The following SMPD4 variants were observed in gnomAD, a reference collection of about 807,000 sequenced individuals.
The protein encoded by SMPD4 is sphingomyelin phosphodiesterase 4, also known as neutral sphingomyelinase 3.
In SMPD4, 58 loss-of-function variants were observed where a neutral mutation model predicts 97.8. The observed-to-expected ratio is 0.59, with a 90% CI of 0.48 to 0.74. The LOEUF is 0.74. Ranked by LOEUF, SMPD4 falls within the 30% of genes least tolerant of loss-of-function variation. The pLI, the probability that SMPD4 is intolerant of heterozygous loss-of-function variation, is 0.00. For synonymous variants in SMPD4, 388 were observed against 450.0 expected (o/e 0.86, Z 1.74); for missense variants, 853 against 1,080.5 (o/e 0.79, Z 2.95).
chr2:130,155,112 A>G lies in SMPD4; in HGVS notation c.1437T>C (p.Ala479=), dbSNP rs1448832698. The change falls in exon 15 of 20, where the codon GCT becomes GCC. Residue 479 remains alanine, a synonymous_variant. Coordinates refer to ENST00000680298, the MANE Select transcript of SMPD4 (RefSeq NM_017951.5). ...AGGACTTACCTTTCTGAATCATCTCAGCCAGGTTGGGCTGGGCAAAGACTT... is the reference window on the plus strand; with the variant it reads ...AGGACTTACCTTTCTGAATCATCTCGGCCAGGTTGGGCTGGGCAAAGACTT... ...VAKVFAQPNL[A]EMIQKGEQLF... 3.1e-6 allele frequency: 5 copies of G among 1,614,146 alleles called. No individual in the cohort carries two copies. Among genetic ancestry groups the G allele is most frequent in the Non-Finnish European group, 4.2e-6 (5 of 1,180,008 alleles).
intron 19 of SMPD4, 27 bp downstream of exon 19, chr2:130,153,016 G>T (rs372272450): frequency 1.2e-6 from 2 of 1,601,126 alleles, no homozygotes; most frequent in South Asian, 1.1e-5. Context: ...CTCTGAAGAC[G>T]CCAGGCCAGC....
At chr2:130,156,488 G>A (rs2104813490) in intron 13 of SMPD4, 97 bp downstream of exon 13, 2 of 1,230,802 alleles carry the variant, frequency 1.6e-6, no homozygotes, top group East Asian at 2.6e-5. Context: ...AGGCCTCTGT[G>A]ATAACACTTG....
At position 130,155,156 on chromosome 2, in the gene SMPD4, T is replaced by G. The variant is rs2104806838; in HGVS notation, c.1393A>C (p.Met465Leu). Residue 465 changes from methionine (M) to leucine (L), a missense_variant, in exon 15 of 20, where the codon ATG becomes CTG. Around this residue, in one of 3 missense-constraint regions of SMPD4, gnomAD observed 511 missense variants for 608.1 expected, o/e 0.84. Transcript: ENST00000680298. ...AAGACTTTGGCCACTCGGAACACCATGAGCGCGTGCTTGGGGCTGACCAGG... is the reference window on the plus strand; with the variant it reads ...AAGACTTTGGCCACTCGGAACACCAGGAGCGCGTGCTTGGGGCTGACCAGG... The part of the protein sequence containing the change: ...TDLVSPKHAL[M>L]VFRVAKVFAQ... The G allele has an allele frequency of 2.5e-6, 4 of 1,614,150 alleles. No individual in the cohort carries two copies. Among genetic ancestry groups the G allele is most frequent in the Middle Eastern group, 1.6e-4 (1 of 6,062 alleles).
chr2:130,154,379 T>C lies in SMPD4; in HGVS notation c.1557A>G (p.Pro519=). Residue 519 remains proline, a synonymous_variant, in exon 16 of 20, where the codon CCA becomes CCG. Coordinates refer to ENST00000680298, the MANE Select transcript of SMPD4 (RefSeq NM_017951.5). ...CCTTGAAGGAGGCATCAGTGACCGC[T>C]GGTGGCCAGGGTGACAGGAAGCTCC... ...FTGSFLSPWP[P]AVTDASFKVK... is the part of the protein sequence containing the mutation. The C allele has an allele frequency of 6.2e-7, 1 of 1,610,436 alleles. No homozygotes were observed. The highest frequency in any genetic ancestry group is 8.5e-7 in the Non-Finnish European group (1 of 1,178,518).
Position 130,172,358 on chromosome 2 carries a change from G to A in SMPD4, c.650C>T (p.Pro217Leu), listed in dbSNP as rs144353633. ...CAAAGGGCAGCCTTACCTGGGAGGT[G>A]GTGAGGGGCTGGTCCCCCCTGGGCT... ...SSSPGGTSPS[P>L]PPRTPAIPFA... is the part of the protein sequence containing the mutation. The change falls in exon 8 of 20, where the codon CCA becomes CTA. Residue 217 changes from proline (P) to leucine (L), a missense_variant. Pro to Leu is a moderately conservative substitution (Grantham distance 98). Coordinates refer to ENST00000680298, the MANE Select transcript of SMPD4 (RefSeq NM_017951.5). The A allele has an allele frequency of 2.3e-3, 3,690 of 1,593,064 alleles. 8 individuals carry two copies. The highest frequency in any genetic ancestry group is 3.0e-3 in the Non-Finnish European group (3,528 of 1,169,044).
intron 1 of SMPD4, among the ~76,000 whole-genome samples, chr2:130,179,343 G>A (rs1377782325): frequency 7.2e-5 from 11 of 151,778 alleles, no homozygotes; most frequent in Non-Finnish European, 1.3e-4. Context: ...GGATGGTCTC[G>A]ATCTCCTGAC....
At chr2:130,160,215 C>T (rs1231229944) in intron 11 of SMPD4, among the ~76,000 whole-genome samples, 1 of 152,234 alleles carries the variant, frequency 6.6e-6, no homozygotes, top group African/African-American at 2.4e-5. Flanking sequence ...GTCCTCCCTC[C>T]CTGGCGCAAG....
chr2:130,152,788 G>A lies in SMPD4; in HGVS notation c.2251C>T (p.Leu751=). The change falls in exon 20 of 20, where the codon CTG becomes TTG. Residue 751 remains leucine (L), a synonymous_variant. Coordinates refer to ENST00000680298, the MANE Select transcript of SMPD4 (RefSeq NM_017951.5). ...LTEPGLASRH[L]LSPVGRRQVA... is the part of the protein sequence containing the mutation. ...TGCCTCCGCCCCACAGGGCTCAGCAGGTGCCTGCTGGCCAGCCCAGGTTCT... is the reference window on the plus strand; with the variant it reads ...TGCCTCCGCCCCACAGGGCTCAGCAAGTGCCTGCTGGCCAGCCCAGGTTCT... The A allele has an allele frequency of 4.3e-6, 7 of 1,609,826 alleles. No homozygotes were observed. The South Asian group carries it at 4.4e-5, about 10-fold the overall frequency.
Position 130,153,158 on chromosome 2 carries a change from A to G in SMPD4, c.2039T>C (p.Leu680Pro). The G allele has an allele frequency of 1.9e-6, 3 of 1,613,794 alleles. No homozygotes were observed. Among genetic ancestry groups the G allele is most frequent in the Non-Finnish European group, 1.7e-6 (2 of 1,179,992 alleles). The change falls in exon 19 of 20, where the codon CTG becomes CCG. Residue 680 changes from leucine to proline, a missense_variant. By Grantham distance (98) the Leu-to-Pro change is moderately conservative. Around this residue, in one of 3 missense-constraint regions of SMPD4, gnomAD observed 511 missense variants for 608.1 expected, o/e 0.84. Coordinates refer to ENST00000680298, the MANE Select transcript of SMPD4 (RefSeq NM_017951.5). ...CTGGTACTCAATTTCAAACCTTCGCAGCCCATTGATGATCTAGAAAGCCAG... is the reference window on the plus strand; with the variant it reads ...CTGGTACTCAATTTCAAACCTTCGCGGCCCATTGATGATCTAGAAAGCCAG... Reference protein sequence around the residue: ...PLGRYQIINGLRRFEIEYQGD... With the variant: ...PLGRYQIINGPRRFEIEYQGD...
intron 1 of SMPD4, among the ~76,000 whole-genome samples, chr2:130,177,586 A>C (rs1233575022): frequency 7.3e-5 from 11 of 151,616 alleles, no homozygotes; most frequent in Non-Finnish European, 1.5e-4. Flanking sequence ...AATCCCAGCT[A>C]CTCAGGAGGC....
At chr2:130,163,166 G>C (rs1485754645) in intron 10 of SMPD4, among the ~76,000 whole-genome samples, 1 of 152,260 alleles carries the variant, frequency 6.6e-6, no homozygotes, top group Non-Finnish European at 1.5e-5. Context: ...CCACATGCAC[G>C]AGTGCTGAGT....
In SMPD4 at chr2:130,153,770, G is replaced by A. The variant is rs1686473524; in HGVS notation, c.1825C>T (p.Gln609Ter). The A allele has an allele frequency of 6.2e-7, 1 of 1,613,974 alleles. No homozygotes were observed. The highest frequency in any genetic ancestry group is 8.5e-7 in the Non-Finnish European group (1 of 1,179,870). The change falls in exon 17 of 20, where the codon CAA (glutamine) becomes TAA (stop). Residue 609 changes from glutamine (Q) to a stop codon, truncating the protein, a stop_gained. Transcript: ENST00000680298. LOFTEE classifies it high-confidence loss of function. ...TCATCTGTCTTCCGGACACTGTCTTGCCCCATCTCGTCCAGGTCGTTGGCT... is the reference window on the plus strand; with the variant it reads ...TCATCTGTCTTCCGGACACTGTCTTACCCCATCTCGTCCAGGTCGTTGGCT... Reference protein sequence around the residue: ...YTANDLDEMGQDSVRKTDEYL... With the variant: ...YTANDLDEMG
At chr2:130,154,873 C>T (rs1161854422) in intron 15 of SMPD4, 2 of 662,670 alleles carry the variant, frequency 3.0e-6, no homozygotes, top group Non-Finnish European at 5.1e-6. Context: ...GTGGGCACAC[C>T]TGCGATCCCC....
intron 9 of SMPD4, among the ~76,000 whole-genome samples, chr2:130,165,361 G>A (rs1295817504): frequency 1.3e-5 from 2 of 151,884 alleles, no homozygotes; most frequent in African/African-American, 4.8e-5. Context: ...AACAGGCAGA[G>A]GTTGTGGTAA....
intron 11 of SMPD4, among the ~76,000 whole-genome samples, chr2:130,160,799 CTAA>C: frequency 6.6e-6 from 1 of 152,236 alleles, no homozygotes; most frequent in Admixed American, 6.5e-5. Flanking sequence ...CAGCTCCTTC[CTAA>C]GCGCCAGACC....
At position 130,169,975 on chromosome 2, in the gene SMPD4, T is replaced by C. The variant is rs555494132; in HGVS notation, c.659+2374A>G. 2.0e-4 allele frequency among the ~76,000 whole-genome samples: 30 copies of C among 151,964 alleles called. No homozygotes were observed. The East Asian group carries it at 5.8e-3, about 30-fold the overall frequency. ...TACTTGGGAAGCTGAGGCGGGAAGA[T>C]TGCTGAGGCCAGGAGTTCAAGACCA... is the stretch of plus-strand genomic sequence containing the variant. On this transcript the variant is annotated intron_variant, in intron 8 of 19. Transcript: ENST00000680298.
chr2:130,162,823 G>T (rs1421968039), intron 10 of SMPD4, among the ~76,000 whole-genome samples: 1 of 152,242 alleles, frequency 6.6e-6, no homozygotes, highest in African/African-American at 2.4e-5. Context: ...TGTTTTGCCT[G>T]AACTGGAAGA....
Position 130,167,564 on chromosome 2 carries a change from T to G in SMPD4, c.686A>C (p.Tyr229Ser), listed in dbSNP as rs375808737. Residue 229 changes from tyrosine to serine, a missense_variant, in exon 9 of 20, where the codon TAT becomes TCT. Tyr to Ser is a moderately radical substitution (Grantham distance 144). Around this residue, in one of 3 missense-constraint regions of SMPD4, gnomAD observed 313 missense variants for 402.2 expected, o/e 0.78. Coordinates refer to ENST00000680298, the MANE Select transcript of SMPD4 (RefSeq NM_017951.5). ...TAGGAGGCTAGTGTGGTGGAGGCCA[T>G]AGGAAGCAAAGGGTATGGCTGGTGT... ...PRTPAIPFAS[Y>S]GLHHTSLLKR... is the part of the protein sequence containing the mutation. The G allele has an allele frequency of 6.2e-7, 1 of 1,612,720 alleles. No homozygotes were observed. Among genetic ancestry groups the G allele is most frequent in the Non-Finnish European group, 8.5e-7 (1 of 1,179,194 alleles).
chr2:130,168,616 C>T (rs1203854186), intron 8 of SMPD4, among the ~76,000 whole-genome samples: 3 of 151,974 alleles, frequency 2.0e-5, no homozygotes, highest in African/African-American at 7.3e-5. Context: ...ACCTCCTAGA[C>T]TTAGGCCTCC....
Sources: allele counts gnomAD v4.1 joint callset (sites outside exome capture counted in the v4.1 genomes callset), GRCh38; gene constraint gnomAD v4.1.1; regional missense constraint gnomAD v4.1.1; transcripts MANE v1.5; gene names NCBI Gene and HGNC (gene_info 2026-07-23, HGNC 2026-07-21).